ADAMTSL1: variants seen among roughly 807,000 people sequenced by gnomAD.
The protein encoded by ADAMTSL1 is ADAMTS like 1, also known as ADAMTS-like protein 1.
A neutral mutation model predicts 201.8 loss-of-function variants in ADAMTSL1; 126 were observed. That is an observed-to-expected ratio of 0.62 (90% CI 0.54 to 0.72). The LOEUF (loss-of-function observed/expected upper bound fraction) is 0.72, where lower values mean the gene tolerates loss of function less well. Ranked by LOEUF, ADAMTSL1 falls within the 30% of genes least tolerant of loss-of-function variation. The probability of loss-of-function intolerance (pLI) is 0.00; values close to 1 mark genes in which losing one functional copy is unlikely to be tolerated. For synonymous variants in ADAMTSL1, 1,121 were observed against 903.4 expected, an observed-to-expected ratio of 1.24 and a Z score of -4.32; for missense variants, 2,679 against 2,277.8, an observed-to-expected ratio of 1.18 and a Z score of -3.59.
intron 7 of ADAMTSL1, among the ~76,000 whole-genome samples, chr9:18,644,102 T>C (rs1344721223): frequency 6.6e-6 from 1 of 151,996 alleles, no homozygotes; most frequent in Non-Finnish European, 1.5e-5. Flanking sequence ...TGATTAAATT[T>C]ACTCCTAAAT....
chr9:18,603,433 G>A (rs1587687633), intron 4 of ADAMTSL1, among the ~76,000 whole-genome samples: 1 of 151,944 alleles, frequency 6.6e-6, no homozygotes, highest in South Asian at 2.1e-4. Flanking sequence ...GTGCTATACT[G>A]TACTATGCAG....
intron 1 of ADAMTSL1, among the ~76,000 whole-genome samples, chr9:17,921,449 C>G (rs774113050): frequency 6.6e-6 from 1 of 152,116 alleles, no homozygotes; most frequent in Non-Finnish European, 1.5e-5. Context: ...CTTTCCAATT[C>G]TTTTGTCATC....
At chr9:18,517,454 CAT>C (rs906273550) in intron 2 of ADAMTSL1, among the ~76,000 whole-genome samples, 2 of 151,036 alleles carry the variant, frequency 1.3e-5, no homozygotes, top group African/African-American at 4.9e-5. Context: ...TTTTAGGATA[CAT>C]GTGCACATTG....
At chr9:18,583,227 G>GT (rs1415559719) in intron 4 of ADAMTSL1, among the ~76,000 whole-genome samples, 2 of 152,312 alleles carry the variant, frequency 1.3e-5, no homozygotes, top group East Asian at 1.9e-4. Flanking sequence ...CCCATGCTGT[G>GT]TGCACCCTAG....
At chr9:18,879,691 A>C (rs960338294) in intron 23 of ADAMTSL1, among the ~76,000 whole-genome samples, 1 of 152,334 alleles carries the variant, frequency 6.6e-6, no homozygotes, top group Middle Eastern at 3.4e-3. Context: ...AAGCAAGTCT[A>C]ATCTTTTTGC....
chr9:18,159,718 C>A (rs1001854555), intron 1 of ADAMTSL1, among the ~76,000 whole-genome samples: 2 of 151,942 alleles, frequency 1.3e-5, no homozygotes, highest in African/African-American at 4.8e-5. Flanking sequence ...TAATTGTGAG[C>A]TGATGAGTCA....
At chr9:18,527,062 C>G (rs530528647) in intron 2 of ADAMTSL1, among the ~76,000 whole-genome samples, 1 of 152,234 alleles carries the variant, frequency 6.6e-6, no homozygotes, top group African/African-American at 2.4e-5. Context: ...TTCATGGTTA[C>G]AGTGAGCTAT....
At chr9:18,684,475 ACTTTC>A (rs1444155711) in intron 12 of ADAMTSL1, among the ~76,000 whole-genome samples, 1 of 152,214 alleles carries the variant, frequency 6.6e-6, no homozygotes, top group Non-Finnish European at 1.5e-5. Flanking sequence ...TAATAAAATG[ACTTTC>A]CTTTGCTATT....
intron 16 of ADAMTSL1, among the ~76,000 whole-genome samples, chr9:18,765,220 C>G (rs1481934432): frequency 6.6e-6 from 1 of 152,194 alleles, no homozygotes; most frequent in Non-Finnish European, 1.5e-5. Flanking sequence ...ACTTCAGCCA[C>G]TACCCATTGA....
intron 1 of ADAMTSL1, among the ~76,000 whole-genome samples, chr9:18,029,619 A>C (rs1246099809): frequency 3.2e-4 from 49 of 152,054 alleles, no homozygotes; most frequent in African/African-American, 9.9e-4. Context: ...CAACCTACAG[A>C]ATGGGAGAAA....
chr9:17,992,217 G>A (rs1198722872), intron 1 of ADAMTSL1, among the ~76,000 whole-genome samples: 2 of 152,072 alleles, frequency 1.3e-5, no homozygotes, highest in African/African-American at 4.8e-5. Context: ...GAGAGGTTGG[G>A]GGTAGGGCAG....
intron 2 of ADAMTSL1, among the ~76,000 whole-genome samples, chr9:18,518,219 G>C (rs892967314): frequency 1.3e-5 from 2 of 152,152 alleles, no homozygotes; most frequent in Non-Finnish European, 2.9e-5. Context: ...CATAATGGTG[G>C]GGTTTGGGCT....
intron 2 of ADAMTSL1, among the ~76,000 whole-genome samples, chr9:18,379,020 C>G (rs746669210): frequency 6.6e-6 from 1 of 152,088 alleles, no homozygotes; most frequent in Non-Finnish European, 1.5e-5. Context: ...CAGATACTCA[C>G]GAAGGAGTCA....
intron 7 of ADAMTSL1, among the ~76,000 whole-genome samples, chr9:18,645,701 A>C (rs1827761646): frequency 1.3e-5 from 2 of 148,756 alleles, no homozygotes; most frequent in African/African-American, 5.0e-5. Flanking sequence ...ATAGTTGTAG[A>C]TATGCAGCAT....
chr9:18,146,387 A>G (rs988410661), intron 1 of ADAMTSL1, among the ~76,000 whole-genome samples: 2 of 152,204 alleles, frequency 1.3e-5, no homozygotes, highest in Non-Finnish European at 2.9e-5. Context: ...ATTCAGCAAT[A>G]AAGAGGTATG....
At chr9:17,934,398 A>G (rs148661308) in intron 1 of ADAMTSL1, among the ~76,000 whole-genome samples, 1 of 152,258 alleles carries the variant, frequency 6.6e-6, no homozygotes, top group East Asian at 1.9e-4. Context: ...TTGGCTAGCT[A>G]AAATGCTTTG....
At chr9:18,788,262 C>T (rs186572923) in intron 19 of ADAMTSL1, among the ~76,000 whole-genome samples, 111 of 152,268 alleles carry the variant, frequency 7.3e-4, no homozygotes, top group Non-Finnish European at 1.1e-3. Flanking sequence ...ATCCTGCTCA[C>T]GGAGGAGATC....
intron 15 of ADAMTSL1, among the ~76,000 whole-genome samples, chr9:18,747,451 G>T (rs546083551): frequency 6.6e-6 from 1 of 151,920 alleles, no homozygotes. Context: ...CCCCATTCTC[G>T]GTGCCTTTAT....
chr9:18,265,139 A>G (rs955194789), intron 2 of ADAMTSL1, among the ~76,000 whole-genome samples: 8 of 152,174 alleles, frequency 5.3e-5, no homozygotes, highest in African/African-American at 1.9e-4. Flanking sequence ...CTAGAGCTCA[A>G]AGAACTCAGT....
Sources: allele counts gnomAD v4.1 joint callset (sites outside exome capture counted in the v4.1 genomes callset), GRCh38; gene constraint gnomAD v4.1.1; transcripts MANE v1.5; gene names NCBI Gene and HGNC (gene_info 2026-07-23, HGNC 2026-07-21).